The following ZNF536 variants were observed in gnomAD, a reference collection of about 807,000 sequenced individuals.
ZNF536 encodes the protein zinc finger protein 536.
A neutral mutation model predicts 84.5 loss-of-function variants in ZNF536; 13 were observed. That is an observed-to-expected ratio of 0.15 (90% CI 0.10 to 0.24). The LOEUF is 0.24. Among genes scored for constraint, ZNF536 ranks in the 10% least tolerant of loss-of-function variants. The pLI is 1.00. For synonymous variants in ZNF536, 811 were observed against 742.5 expected, an observed-to-expected ratio of 1.09 and a Z score of -1.50; for missense variants, 1,536 against 1,747.5, an observed-to-expected ratio of 0.88 and a Z score of 2.16.
chr19:30,275,172 C>T (rs950070908), intron 1 of ZNF536, among the ~76,000 whole-genome samples: 3 of 152,134 alleles, frequency 2.0e-5, no homozygotes, highest in Admixed American at 6.5e-5. Context: ...ACCATGGCCT[C>T]TGGGGGAGCT....
At chr19:30,590,171 T>C (rs1241398346) in intron 1 of ZNF536, among the ~76,000 whole-genome samples, 1 of 152,138 alleles carries the variant, frequency 6.6e-6, no homozygotes, top group Admixed American at 6.5e-5. Context: ...TGGGCTCTGA[T>C]CTGGTGAGTG....
At chr19:30,576,050 T>C (rs1334092356) in intron 1 of ZNF536, among the ~76,000 whole-genome samples, 2 of 152,116 alleles carry the variant, frequency 1.3e-5, no homozygotes, top group East Asian at 3.9e-4. Context: ...TGTGCCCACA[T>C]TGGAATTCTT....
At chr19:30,671,011 C>T (rs528878450) in intron 1 of ZNF536, among the ~76,000 whole-genome samples, 12 of 152,322 alleles carry the variant, frequency 7.9e-5, no homozygotes, top group African/African-American at 2.4e-4. Context: ...CCTCCCCTCC[C>T]CTTCTCTTTC....
chr19:30,261,297 CAAAAAAAAAAAA>C (rs66862950), intron 1 of ZNF536, among the ~76,000 whole-genome samples: 99 of 23,588 alleles, frequency 4.2e-3, no homozygotes, highest in African/African-American at 0.015. Flanking sequence ...GACTCCGTCT[CAAAAAAAAAAAA>C]AAAAAAAAAA....
intron 1 of ZNF536, among the ~76,000 whole-genome samples, chr19:30,658,424 CA>C (rs1198447233): frequency 6.6e-6 from 1 of 152,160 alleles, no homozygotes; most frequent in Non-Finnish European, 1.5e-5. Flanking sequence ...AGCTCTGCTC[CA>C]ACCCACAGAT....
At chr19:30,458,447 GTTTTTTTTT>G (rs3084731) in intron 2 of ZNF536, among the ~76,000 whole-genome samples, 3 of 83,490 alleles carry the variant, frequency 3.6e-5, no homozygotes, top group African/African-American at 5.6e-5. Flanking sequence ...ATTTCCTGCT[GTTTTTTTTT>G]TTTTTTTTTT....
intron 2 of ZNF536, among the ~76,000 whole-genome samples, chr19:30,288,365 G>A (rs1300536591): frequency 2.6e-5 from 4 of 152,200 alleles, no homozygotes; most frequent in African/African-American, 9.7e-5. Flanking sequence ...CCACTGCTCA[G>A]TCCTATTAGG....
Position 30,444,598 on chromosome 19 carries a change from C to T in ZNF536, c.1036C>T (p.Arg346Cys). 1.9e-6 allele frequency: 3 copies of T among 1,613,876 alleles called. No individual in the cohort carries two copies. Among genetic ancestry groups the T allele is most frequent in the South Asian group, 1.1e-5 (1 of 91,078 alleles). ...TGGCGAGCAGTCGGCCAACGAGTTC[C>T]GCTGCGAGGTGTGCGGTCAGGTGTT... ...GGGEQSANEF[R>C]CEVCGQVFSQ... is the part of the protein sequence containing the mutation. The change falls in exon 2 of 5, where the codon CGC becomes TGC. Residue 346 changes from arginine (R) to cysteine (C), a missense_variant. Physicochemically the swap from Arg to Cys is radical, Grantham distance 180 (BLOSUM62 -3). Coordinates refer to ENST00000355537, the MANE Select transcript of ZNF536 (RefSeq NM_014717.3).
intron 1 of ZNF536, among the ~76,000 whole-genome samples, chr19:30,428,252 G>A (rs552103672): frequency 6.6e-6 from 1 of 152,240 alleles, no homozygotes; most frequent in Non-Finnish European, 1.5e-5. Flanking sequence ...GACAGGGGAA[G>A]GAGGAGGAGA....
chr19:30,343,101 G>A (rs2146575417), intron 2 of ZNF536, among the ~76,000 whole-genome samples: 1 of 152,274 alleles, frequency 6.6e-6, no homozygotes, highest in East Asian at 1.9e-4. Context: ...ACAGCCTTGG[G>A]CCCCTGGATA....
chr19:30,356,411 G>A (rs2048097169), intron 3 of ZNF536, among the ~76,000 whole-genome samples: 1 of 152,206 alleles, frequency 6.6e-6, no homozygotes, highest in Admixed American at 6.5e-5. Flanking sequence ...CTCCGTCCTG[G>A]TACAGATGAG....
At chr19:30,691,485 C>A (rs967204690) in intron 1 of ZNF536, among the ~76,000 whole-genome samples, 1 of 151,820 alleles carries the variant, frequency 6.6e-6, no homozygotes, top group Non-Finnish European at 1.5e-5. Flanking sequence ...GGGTCTCACG[C>A]CCAGACTCCG....
chr19:30,237,915 A>G (rs1033997214), intron 1 of ZNF536, among the ~76,000 whole-genome samples: 1 of 152,172 alleles, frequency 6.6e-6, no homozygotes, highest in Non-Finnish European at 1.5e-5. Flanking sequence ...GCAGTGTAAC[A>G]CCATGATAAA....
chr19:30,549,635 C>T (rs2045699045), intron 4 of ZNF536, 121 bp downstream of exon 4: 2 of 1,154,008 alleles, frequency 1.7e-6, no homozygotes, highest in Middle Eastern at 3.1e-4. Flanking sequence ...TTTGAAAAAA[C>T]CCTCAATGCT....
chr19:30,585,342 G>T (rs1269976664), intron 1 of ZNF536, among the ~76,000 whole-genome samples: 8 of 152,128 alleles, frequency 5.3e-5, no homozygotes, highest in Non-Finnish European at 1.2e-4. Flanking sequence ...GCACAGAGTA[G>T]ATTCTCAAAA....
chr19:30,344,594 C>G (rs1250877931), intron 2 of ZNF536, among the ~76,000 whole-genome samples: 2 of 152,002 alleles, frequency 1.3e-5, no homozygotes, highest in Non-Finnish European at 2.9e-5. Flanking sequence ...CTCCCCTGTC[C>G]AACGCTGGGC....
intron 2 of ZNF536, among the ~76,000 whole-genome samples, chr19:30,350,567 T>A (rs2047900700): frequency 6.6e-6 from 1 of 152,250 alleles, no homozygotes; most frequent in South Asian, 2.1e-4. Context: ...CTGCTTCTTT[T>A]TTCTATTTAA....
Position 30,389,785 on chromosome 19 carries a change from T to G in ZNF536, c.-3+17229T>G, listed in dbSNP as rs369708424. On this transcript the variant is annotated intron_variant, in intron 1 of 4. Transcript: ENST00000355537. ...ATAGCATCCTGCTGGCCCAAGCAGA[T>G]AGCAGAGAGCTGCTGTGGGCCCCTC... 2.6e-5 allele frequency among the ~76,000 whole-genome samples: 4 copies of G among 152,312 alleles called. 1 individual carries two copies. Among genetic ancestry groups the G allele is most frequent in the African/African-American group, 7.2e-5 (3 of 41,564 alleles).
intron 2 of ZNF536, among the ~76,000 whole-genome samples, chr19:30,296,842 C>T (rs554683169): frequency 5.9e-5 from 9 of 152,308 alleles, no homozygotes; most frequent in African/African-American, 1.9e-4. Context: ...GGGATGGCAG[C>T]ATCCTTTCGC....
Sources: allele counts gnomAD v4.1 joint callset (sites outside exome capture counted in the v4.1 genomes callset), GRCh38; gene constraint gnomAD v4.1.1; transcripts MANE v1.5; gene names NCBI Gene and HGNC (gene_info 2026-07-23, HGNC 2026-07-21).